The following CSMD1 variants were observed in gnomAD, a reference collection of about 807,000 sequenced individuals.
The protein encoded by CSMD1 is CUB and Sushi multiple domains 1, also known as CUB and sushi domain-containing protein 1.
In CSMD1, 213 loss-of-function variants were observed where a neutral mutation model predicts 417.5. The ratio of observed to expected loss-of-function variants is 0.51; its 90% CI spans 0.46 to 0.57. The LOEUF is 0.57. Ranked by LOEUF, CSMD1 falls within the 20% of genes least tolerant of loss-of-function variation. The pLI is 0.00. For synonymous variants in CSMD1, 2,862 were observed against 1,736.8 expected, an observed-to-expected ratio of 1.65 and a Z score of -16.11; for missense variants, 6,923 against 4,529.7, an observed-to-expected ratio of 1.53 and a Z score of -15.17.
At chr8:3,419,605 C>T (rs917121925) in intron 12 of CSMD1, among the ~76,000 whole-genome samples, 2 of 151,910 alleles carry the variant, frequency 1.3e-5, no homozygotes, top group African/African-American at 2.4e-5. Flanking sequence ...TGGCCAATTG[C>T]TATAGATTCG....
At chr8:3,785,122 T>G (rs1411795596) in intron 5 of CSMD1, among the ~76,000 whole-genome samples, 1 of 152,200 alleles carries the variant, frequency 6.6e-6, no homozygotes, top group Non-Finnish European at 1.5e-5. Context: ...GTCCTACCTC[T>G]GTGATGTTGG....
At position 4,994,735 on chromosome 8, in the gene CSMD1, G is replaced by A; in HGVS notation, c.-319C>T. The A allele has an allele frequency of 3.1e-6, 1 of 324,132 alleles. No homozygotes were observed. Among genetic ancestry groups the A allele is most frequent in the Non-Finnish European group, 5.7e-6 (1 of 176,288 alleles). 20.1% of individuals were successfully genotyped at this position (324,132 alleles called of 1,614,324 possible). ...CGGCGAGGCTGCGGGAGGGGGAGAAGCGGGGAGAGGAGCGCGCGCAGCCAG... is the reference window on the plus strand; with the variant it reads ...CGGCGAGGCTGCGGGAGGGGGAGAAACGGGGAGAGGAGCGCGCGCAGCCAG... On this transcript the variant is annotated 5_prime_UTR_variant, in exon 1 of 70. Transcript: ENST00000635120.
intron 1 of CSMD1, among the ~76,000 whole-genome samples, chr8:4,940,038 C>T (rs1438440438): frequency 2.0e-5 from 3 of 152,116 alleles, no homozygotes; most frequent in Admixed American, 1.3e-4. Context: ...CCTGCACTCC[C>T]GTCAGAGAAG....
intron 5 of CSMD1, among the ~76,000 whole-genome samples, chr8:3,948,584 T>C (rs1032946342): frequency 1.3e-5 from 2 of 152,190 alleles, no homozygotes; most frequent in African/African-American, 4.8e-5. Flanking sequence ...TTGCTCATGA[T>C]AAACGATGAA....
rs542965872 is a variant in CSMD1 at position 3,628,222 on chromosome 8, G to A, written c.1010-11425C>T. On this transcript the variant is annotated intron_variant, in intron 7 of 69. Transcript: ENST00000635120. ...TTGTATTTTTATTTTTAAAATTTGT[G>A]TTCTAATAATGCTCTACAATGAGAA... Among the ~76,000 whole-genome samples, 6 of 152,236 alleles carry A rather than the reference G, an allele frequency of 3.9e-5. No homozygotes were observed. The South Asian group carries it at 1.2e-3, about 32-fold the overall frequency.
At chr8:3,707,750 C>G (rs1047881147) in intron 7 of CSMD1, among the ~76,000 whole-genome samples, 1 of 152,102 alleles carries the variant, frequency 6.6e-6, no homozygotes, top group Non-Finnish European at 1.5e-5. Context: ...GACAAAGGGC[C>G]CTTCTGGCAG....
chr8:4,142,690 T>A (rs1023802109), intron 3 of CSMD1, among the ~76,000 whole-genome samples: 1 of 151,230 alleles, frequency 6.6e-6, no homozygotes, highest in Non-Finnish European at 1.5e-5. Context: ...AGTTATTGGG[T>A]GGCTGAGGTT....
intron 5 of CSMD1, among the ~76,000 whole-genome samples, chr8:3,843,757 C>T (rs1273603334): frequency 6.6e-6 from 1 of 152,162 alleles, no homozygotes; most frequent in Non-Finnish European, 1.5e-5. Flanking sequence ...TGTTTTAAAG[C>T]ATTTGATTCT....
intron 3 of CSMD1, among the ~76,000 whole-genome samples, chr8:4,249,133 G>A (rs576320382): frequency 7.2e-5 from 11 of 152,232 alleles, no homozygotes; most frequent in South Asian, 2.1e-4. Flanking sequence ...CCAAACTTTC[G>A]TGGGAAAATA....
intron 50 of CSMD1, among the ~76,000 whole-genome samples, chr8:3,031,147 T>C (rs985271062): frequency 3.3e-5 from 5 of 151,986 alleles, no homozygotes; most frequent in African/African-American, 1.2e-4. Context: ...TTAAAGGCTT[T>C]TAGCCTCATA....
At chr8:4,091,921 G>A (rs539135434) in intron 3 of CSMD1, among the ~76,000 whole-genome samples, 2 of 152,214 alleles carry the variant, frequency 1.3e-5, no homozygotes, top group South Asian at 2.1e-4. Context: ...AGTGCTCCCA[G>A]TTCTCTATTT....
intron 3 of CSMD1, among the ~76,000 whole-genome samples, chr8:4,177,029 A>G (rs1381349582): frequency 6.6e-6 from 1 of 152,138 alleles, no homozygotes; most frequent in African/African-American, 2.4e-5. Flanking sequence ...AACGAGACAG[A>G]AAGTCAACAA....
chr8:3,139,394 T>C (rs984368475), intron 41 of CSMD1, among the ~76,000 whole-genome samples: 1 of 152,050 alleles, frequency 6.6e-6, no homozygotes, highest in African/African-American at 2.4e-5. Flanking sequence ...ACCCAGAGAT[T>C]TTCTGGCCCC....
intron 3 of CSMD1, among the ~76,000 whole-genome samples, chr8:4,284,751 CCTT>C (rs2128862648): frequency 6.6e-6 from 1 of 152,220 alleles, no homozygotes; most frequent in African/African-American, 2.4e-5. Context: ...CAGATGATAG[CCTT>C]CTTCTAACCA....
intron 1 of CSMD1, among the ~76,000 whole-genome samples, chr8:4,714,212 A>T (rs1279843979): frequency 6.6e-6 from 1 of 152,146 alleles, no homozygotes; most frequent in Non-Finnish European, 1.5e-5. Flanking sequence ...CACCGTGTTG[A>T]CGCCTCCTCT....
At chr8:4,048,374 C>T (rs765031179) in intron 3 of CSMD1, among the ~76,000 whole-genome samples, 5 of 152,156 alleles carry the variant, frequency 3.3e-5, no homozygotes, top group African/African-American at 9.6e-5. Flanking sequence ...CAACAGCTAA[C>T]ACAGACAATG....
chr8:4,418,936 A>G (rs1014901316), intron 3 of CSMD1, among the ~76,000 whole-genome samples: 8 of 152,280 alleles, frequency 5.3e-5, no homozygotes, highest in South Asian at 2.1e-4. Context: ...AAGCAAAAGG[A>G]TAAGTCGGTC....
chr8:2,962,043 G>T (rs1803539137), intron 61 of CSMD1, among the ~76,000 whole-genome samples: 1 of 152,042 alleles, frequency 6.6e-6, no homozygotes, highest in African/African-American at 2.4e-5. Context: ...CCATTATTCT[G>T]CTTAGTAAAT....
At chr8:4,271,350 G>C (rs929755023) in intron 3 of CSMD1, among the ~76,000 whole-genome samples, 2 of 152,128 alleles carry the variant, frequency 1.3e-5, no homozygotes, top group African/African-American at 2.4e-5. Context: ...CACTGGCAGT[G>C]CTTGGAAAAT....
Sources: allele counts gnomAD v4.1 joint callset (sites outside exome capture counted in the v4.1 genomes callset), GRCh38; gene constraint gnomAD v4.1.1; transcripts MANE v1.5; gene names NCBI Gene and HGNC (gene_info 2026-07-23, HGNC 2026-07-21).